ARHGAP39: variants seen among roughly 807,000 people sequenced by gnomAD.
ARHGAP39 encodes the protein rho GTPase-activating protein 39.
A neutral mutation model predicts 106.9 loss-of-function variants in ARHGAP39; 44 were observed. The observed-to-expected ratio is 0.41, with a 90% CI of 0.32 to 0.53. The LOEUF (loss-of-function observed/expected upper bound fraction) is 0.53, where lower values mean the gene tolerates loss of function less well. Ranked by LOEUF, ARHGAP39 falls within the 20% of genes least tolerant of loss-of-function variation. The probability of loss-of-function intolerance (pLI) is 0.21; values close to 1 mark genes in which losing one functional copy is unlikely to be tolerated. For synonymous variants in ARHGAP39, 768 were observed against 693.2 expected (o/e 1.11, Z -1.69); for missense variants, 1,496 against 1,577.3 (o/e 0.95, Z 0.87).
Position 144,530,849 on chromosome 8 carries a change from G to A in ARHGAP39, c.3003C>T (p.Tyr1001=), listed in dbSNP as rs757001082. ...GGATCAGGGGCTCCTCCAGCTCCCG[G>A]TACCACAGCTTCAGCAGGGACGCTG... ...HVPASLLKLW[Y]RELEEPLIPH... The change falls in exon 11 of 12, where the codon TAC becomes TAT. Residue 1001 remains tyrosine (Y), a synonymous_variant. Coordinates refer to ENST00000377307, the MANE Select transcript of ARHGAP39 (RefSeq NM_025251.3). 5.0e-6 allele frequency: 8 copies of A among 1,610,184 alleles called. No homozygotes were observed. Among genetic ancestry groups the A allele is most frequent in the South Asian group, 3.3e-5 (3 of 91,016 alleles).
At chr8:144,673,287 A>G (rs994883089) in intron 1 of ARHGAP39, among the ~76,000 whole-genome samples, 1 of 151,780 alleles carries the variant, frequency 6.6e-6, no homozygotes, top group South Asian at 2.1e-4. Flanking sequence ...CCCCAAGAAC[A>G]CACCCGCACC....
chr8:144,646,386 A>C lies in ARHGAP39; in HGVS notation c.-82+39300T>G, dbSNP rs1026276103. Among the ~76,000 whole-genome samples, 4 of 152,204 alleles carry C rather than the reference A, an allele frequency of 2.6e-5. No individual in the cohort carries two copies. Among genetic ancestry groups the C allele is most frequent in the Non-Finnish European group, 4.4e-5 (3 of 68,038 alleles). ...GGGAGGGAGTGAAACTTCGTAGCAC[A>C]TGCCTTCTTGGCTTCTGTTTGTTTT... On this transcript the variant is annotated intron_variant, in intron 1 of 11. Transcript: ENST00000377307. The surrounding 1 kb of genome is among the most constrained non-coding windows in gnomAD (Gnocchi z 5.7).
the ARHGAP39 span, among the ~76,000 whole-genome samples, chr8:144,700,178 G>A: frequency 2.0e-5 from 3 of 152,188 alleles, no homozygotes; most frequent in African/African-American, 7.2e-5. The surrounding 1 kb of genome is among the most constrained non-coding windows in gnomAD (Gnocchi z 5.6). Context: ...CCCCCCTGGA[G>A]ATCCCAGGCT....
rs373613439 is a variant in ARHGAP39, at chr8:144,628,757, C to G, written c.-81-23062G>C. ...CCCCAGGCTGCTGAATTCCTTGTGTCTGTCCTAAGCTCAGCCCACCACCAG... is the reference window on the plus strand; with the variant it reads ...CCCCAGGCTGCTGAATTCCTTGTGTGTGTCCTAAGCTCAGCCCACCACCAG... On this transcript the variant is annotated intron_variant, in intron 1 of 11. Transcript: ENST00000377307. Among the ~76,000 whole-genome samples the G allele has an allele frequency of 3.3e-5, 5 of 152,218 alleles. No individual in the cohort carries two copies. The South Asian group carries it at 1.0e-3, about 31-fold the overall frequency.
At chr8:144,580,774 C>CAA in intron 3 of ARHGAP39, 72 bp downstream of exon 3, 1 of 743,868 alleles carries the variant, frequency 1.3e-6, no homozygotes, top group African/African-American at 1.8e-5. Context: ...CCCACCACCC[C>CAA]CTACCTGCCT....
chr8:144,557,605 G>A (rs1289129756), intron 3 of ARHGAP39, among the ~76,000 whole-genome samples: 1 of 151,658 alleles, frequency 6.6e-6, no homozygotes, highest in African/African-American at 2.4e-5. Flanking sequence ...AGTATTCAGA[G>A]GCAAAGGCTG....
In ARHGAP39 at chr8:144,679,735, C is replaced by A. The variant is rs1026186727; in HGVS notation, c.-82+5951G>T. ...GTGTCTCACGCCTGTAATCCCAGCA[C>A]TTTGGGAGGCCAAGGCGGGCGGATC... is the stretch of plus-strand genomic sequence containing the variant. On this transcript the variant is annotated intron_variant, in intron 1 of 11. Transcript: ENST00000377307. This position sits in a 1 kb window ranked among gnomAD's most constrained non-coding sequence, Gnocchi z 4.7. Among the ~76,000 whole-genome samples, 1 of 152,236 alleles carries A rather than the reference C, an allele frequency of 6.6e-6. No homozygotes were observed. The highest frequency in any genetic ancestry group is 2.1e-4 in the South Asian group (1 of 4,832).
chr8:144,550,908 G>A (rs1817665978), intron 4 of ARHGAP39, among the ~76,000 whole-genome samples: 1 of 152,240 alleles, frequency 6.6e-6, no homozygotes, highest in Non-Finnish European at 1.5e-5. Context: ...CTGTTGCTCT[G>A]TGGCTGCAAG....
At chr8:144,534,231 G>C in intron 7 of ARHGAP39, 29 bp from the exon 8 acceptor site, 2 of 1,612,520 alleles carry the variant, frequency 1.2e-6, no homozygotes, top group South Asian at 1.1e-5. Flanking sequence ...TGATCAGCCT[G>C]ATGTGGGTGT....
Position 144,580,904 on chromosome 8 carries a change from A to G in ARHGAP39, c.454T>C (p.Leu152=), listed in dbSNP as rs758500102. ...PEPDTEKAQE[L]PARAGRPAAF... is the part of the protein sequence containing the mutation. ...GCGGGCCGCCCGGCCCTCGCTGGCA[A>G]CTCCTGCGCTTTCTCAGTGTCGGGC... is the stretch of plus-strand genomic sequence containing the variant. The change falls in exon 3 of 12, where the codon TTG becomes CTG. Residue 152 remains leucine, a synonymous_variant. Coordinates refer to ENST00000377307, the MANE Select transcript of ARHGAP39 (RefSeq NM_025251.3). 14 of 1,598,882 alleles carry G rather than the reference A, an allele frequency of 8.8e-6. No individual in the cohort carries two copies. In the Admixed American group the frequency reaches 2.4e-4, roughly 27 times the overall value.
At chr8:144,603,021 G>A (rs1238620642) in intron 2 of ARHGAP39, among the ~76,000 whole-genome samples, 1 of 134,558 alleles carries the variant, frequency 7.4e-6, no homozygotes, top group Non-Finnish European at 1.5e-5. Flanking sequence ...GCGAGCTCAT[G>A]TATCTGTGTG....
chr8:144,537,989 C>T (rs1023274344), intron 6 of ARHGAP39, among the ~76,000 whole-genome samples, 176 bp from the exon 7 acceptor site: 7 of 152,274 alleles, frequency 4.6e-5, no homozygotes, highest in Admixed American at 2.0e-4. Flanking sequence ...AGAGAGGTGC[C>T]GGGGGCCCTT....
chr8:144,549,967 C>T (rs547424096), intron 4 of ARHGAP39, among the ~76,000 whole-genome samples: 10 of 152,260 alleles, frequency 6.6e-5, no homozygotes, highest in Admixed American at 3.9e-4. Context: ...ATACTACAAA[C>T]GAGGTAGCTT....
intron 6 of ARHGAP39, 72 bp from the exon 7 acceptor site, chr8:144,537,885 C>T (rs1381996441): frequency 5.0e-6 from 7 of 1,413,252 alleles, no homozygotes; most frequent in Non-Finnish European, 6.0e-6. Context: ...AGCTCCCGCA[C>T]TTGGCTGGTG....
chr8:144,661,119 C>T (rs964728671), intron 1 of ARHGAP39, among the ~76,000 whole-genome samples: 11 of 152,158 alleles, frequency 7.2e-5, no homozygotes, highest in African/African-American at 2.7e-4. Context: ...TCAGCACCGC[C>T]GTGAAAACAC....
chr8:144,534,206 G>T lies in ARHGAP39; in HGVS notation c.2615-4C>A. 6.2e-7 allele frequency: 1 copy of T among 1,613,506 alleles called. No individual in the cohort carries two copies. Among genetic ancestry groups the T allele is most frequent in the Non-Finnish European group, 8.5e-7 (1 of 1,179,822 alleles). ...GCATACGTGCTTATCGCCACCCCTGGAAAGGAAAGGGGCCTGATCAGCCTG... is the reference window on the plus strand; with the variant it reads ...GCATACGTGCTTATCGCCACCCCTGTAAAGGAAAGGGGCCTGATCAGCCTG... On this transcript the variant is annotated splice_region_variant and splice_polypyrimidine_tract_variant and intron_variant, in intron 7 of 11. Coordinates refer to ENST00000377307, the MANE Select transcript of ARHGAP39 (RefSeq NM_025251.3).
intron 4 of ARHGAP39, among the ~76,000 whole-genome samples, chr8:144,551,161 G>A (rs1393421672): frequency 2.6e-5 from 4 of 152,048 alleles, no homozygotes; most frequent in East Asian, 1.9e-4. Context: ...GTGCCCTGTC[G>A]TGGCCCCAGG....
intron 1 of ARHGAP39, among the ~76,000 whole-genome samples, chr8:144,636,424 A>G (rs1356592682): frequency 6.6e-6 from 1 of 152,166 alleles, no homozygotes; most frequent in Non-Finnish European, 1.5e-5. Context: ...AGGAGTACAG[A>G]AGGAACAGAA....
chr8:144,535,222 G>A (rs1816906044), intron 7 of ARHGAP39, among the ~76,000 whole-genome samples: 1 of 152,178 alleles, frequency 6.6e-6, no homozygotes, highest in Admixed American at 6.5e-5. Flanking sequence ...CTTGGACCAG[G>A]TTAAAAAAAA....
Sources: allele counts gnomAD v4.1 joint callset (sites outside exome capture counted in the v4.1 genomes callset), GRCh38; gene constraint gnomAD v4.1.1; non-coding constraint Gnocchi (gnomAD v3.1); transcripts MANE v1.5; gene names NCBI Gene and HGNC (gene_info 2026-07-23, HGNC 2026-07-21).